VPS26B: variants seen among roughly 807,000 people sequenced by gnomAD.
VPS26B encodes the protein vacuolar protein sorting-associated protein 26B.
In VPS26B, 10 loss-of-function variants were observed where a neutral mutation model predicts 33.3. That is an observed-to-expected ratio of 0.30 (90% confidence interval 0.19 to 0.51). The LOEUF (loss-of-function observed/expected upper bound fraction) is 0.51, where lower values mean the gene tolerates loss of function less well. VPS26B is among the 20% of genes least tolerant of loss of function. VPS26B has a pLI of 0.98. For missense variants in VPS26B, 317 were observed against 452.7 expected, an observed-to-expected ratio of 0.70 and a Z score of 2.72; for synonymous variants, 190 against 176.9, an observed-to-expected ratio of 1.07 and a Z score of -0.59.
At chr11:134,229,159 A>T (rs1938522149) in intron 1 of VPS26B, among the ~76,000 whole-genome samples, 1 of 152,132 alleles carries the variant, frequency 6.6e-6, no homozygotes. Context: ...CCTCCCAAGT[A>T]GCTGAGACTA....
chr11:134,231,607 C>G (rs899126069), intron 1 of VPS26B, among the ~76,000 whole-genome samples: 1 of 151,892 alleles, frequency 6.6e-6, no homozygotes, highest in African/African-American at 2.4e-5. Flanking sequence ...CTCTGTCGCC[C>G]AGGATAGAGT....
At chr11:134,238,820 C>G (rs188741937) in intron 2 of VPS26B, among the ~76,000 whole-genome samples, 1 of 151,934 alleles carries the variant, frequency 6.6e-6, no homozygotes, top group Non-Finnish European at 1.5e-5. Flanking sequence ...TGGTCTCGAT[C>G]TCCTGACCTC....
intron 2 of VPS26B, 121 bp from the exon 3 acceptor site, chr11:134,239,870 A>G: frequency 1.9e-6 from 2 of 1,064,528 alleles, no homozygotes; most frequent in Non-Finnish European, 2.8e-6. Flanking sequence ...AAAGGATACA[A>G]AGCCCTCAAG....
chr11:134,233,505 C>T (rs1054561303), intron 1 of VPS26B, among the ~76,000 whole-genome samples: 18 of 152,220 alleles, frequency 1.2e-4, no homozygotes, highest in African/African-American at 4.3e-4. Context: ...GGTTAGATCA[C>T]GAGGTCAGGA....
chr11:134,245,046 T>C lies in VPS26B; in HGVS notation c.830T>C (p.Ile277Thr), dbSNP rs748905855. ...CGCTATTACCTCAACCTGGTGCTGATAGACGAGGAGGAGCGGCGCTACTTC... is the reference window on the plus strand; with the variant it reads ...CGCTATTACCTCAACCTGGTGCTGACAGACGAGGAGGAGCGGCGCTACTTC... ...SVRYYLNLVLIDEEERRYFKQ... is the reference protein window; with the variant it reads ...SVRYYLNLVLTDEEERRYFKQ... Residue 277 changes from isoleucine (I) to threonine (T), a missense_variant, in exon 5 of 6, where the codon ATA becomes ACA. Physicochemically the swap from Ile to Thr is moderately conservative, Grantham distance 89. Coordinates refer to ENST00000281187, the MANE Select transcript of VPS26B (RefSeq NM_052875.5). The surrounding 1 kb of genome is among the most constrained non-coding windows in gnomAD (Gnocchi z 4.7). 65 of 1,614,030 alleles carry C rather than the reference T, an allele frequency of 4.0e-5. No individual in the cohort carries two copies. Among genetic ancestry groups the C allele is most frequent in the Non-Finnish European group, 4.8e-5 (57 of 1,180,048 alleles).
Position 134,245,189 on chromosome 11 carries a change from C to A in VPS26B, c.864+109C>A. On this transcript the variant is annotated intron_variant, in intron 5 of 5. Coordinates refer to ENST00000281187, the MANE Select transcript of VPS26B (RefSeq NM_052875.5). This position sits in a 1 kb window ranked among gnomAD's most constrained non-coding sequence, Gnocchi z 4.7. ...TTGCCAAGAGGTGGGAACATTAGGTCGCCCACAATTGCACAACAAGAATGA... is the reference window on the plus strand; with the variant it reads ...TTGCCAAGAGGTGGGAACATTAGGTAGCCCACAATTGCACAACAAGAATGA... The A allele has an allele frequency of 1.4e-6, 2 of 1,452,916 alleles. No homozygotes were observed. Among genetic ancestry groups the A allele is most frequent in the South Asian group, 1.4e-5 (1 of 72,994 alleles). 90.0% of individuals were successfully genotyped at this position (1,452,916 alleles called of 1,614,324 possible).
At position 134,225,249 on chromosome 11, in the gene VPS26B, G is replaced by T; in HGVS notation, c.127G>T (p.Gly43Trp). Residue 43 changes from glycine to tryptophan, a missense_variant, in exon 1 of 6, where the codon GGG (glycine) becomes TGG (tryptophan). Physicochemically the swap from Gly to Trp is radical, Grantham distance 184 (BLOSUM62 -2). Coordinates refer to ENST00000281187, the MANE Select transcript of VPS26B (RefSeq NM_052875.5). Reference protein sequence around the residue: ...KKEKYFLFYDGETVSGKVSLA... With the variant: ...KKEKYFLFYDWETVSGKVSLA... ...GGAGAAATATTTCCTCTTCTACGAC[G>T]GGGAGACGGTCTCCGGGAAGGTGAG... 6.2e-7 allele frequency: 1 copy of T among 1,614,152 alleles called. No individual in the cohort carries two copies. Among genetic ancestry groups the T allele is most frequent in the Non-Finnish European group, 8.5e-7 (1 of 1,179,994 alleles).
intron 1 of VPS26B, among the ~76,000 whole-genome samples, chr11:134,229,439 A>G (rs1025801590): frequency 6.6e-6 from 1 of 152,130 alleles, no homozygotes; most frequent in African/African-American, 2.4e-5. Flanking sequence ...GATACCCTAC[A>G]GGTGCCTCAG....
At chr11:134,231,756 G>C (rs1565355413) in intron 1 of VPS26B, among the ~76,000 whole-genome samples, 1 of 152,284 alleles carries the variant, frequency 6.6e-6, no homozygotes, top group East Asian at 1.9e-4. Flanking sequence ...GTAGTGACAG[G>C]GTTTCACCGT....
At chr11:134,238,635 G>A (rs1938671072) in intron 2 of VPS26B, among the ~76,000 whole-genome samples, 1 of 152,200 alleles carries the variant, frequency 6.6e-6, no homozygotes, top group South Asian at 2.1e-4. Context: ...TCGCTCTGTT[G>A]CCCAGGCTGG....
At chr11:134,233,735 C>CA (rs11428242) in intron 1 of VPS26B, among the ~76,000 whole-genome samples, 99,065 of 151,674 alleles carry the variant, frequency 0.65, 33,105 homozygotes, top group Middle Eastern at 0.76. Context: ...AAAAAACAAA[C>CA]AAAAAAAGCT....
chr11:134,244,756 A>C lies in VPS26B; in HGVS notation c.722-182A>C. On this transcript the variant is annotated intron_variant, in intron 4 of 5. Coordinates refer to ENST00000281187, the MANE Select transcript of VPS26B (RefSeq NM_052875.5). The surrounding 1 kb of genome is among the most constrained non-coding windows in gnomAD (Gnocchi z 4.0). ...AAGCTGCAACATGACCTGGAGTGGA[A>C]CTGGAGAGTCACATTTTTGTTTCAG... 1 of 713,444 alleles carries C rather than the reference A, an allele frequency of 1.4e-6. No homozygotes were observed. The highest frequency in any genetic ancestry group is 2.2e-6 in the Non-Finnish European group (1 of 449,478). 44.2% of individuals were successfully genotyped at this position (713,444 alleles called of 1,614,324 possible). A position where few individuals can be genotyped will look rare whatever the true frequency, so the allele number is the denominator to read the frequency against.
chr11:134,239,677 T>G, intron 2 of VPS26B: 1 of 370,988 alleles, frequency 2.7e-6, no homozygotes, highest in South Asian at 2.6e-5. Context: ...AAGAATAACA[T>G]GTGATTGGGG....
At chr11:134,232,215 G>T (rs61909714) in intron 1 of VPS26B, among the ~76,000 whole-genome samples, 3 of 34,626 alleles carry the variant, frequency 8.7e-5, no homozygotes, top group African/African-American at 1.3e-4. Flanking sequence ...GATGACGCGT[G>T]GTTGCTTCTT....
intron 2 of VPS26B, among the ~76,000 whole-genome samples, chr11:134,237,371 G>A (rs963170995): frequency 2.6e-5 from 4 of 152,228 alleles, no homozygotes; most frequent in South Asian, 2.1e-4. Flanking sequence ...GCATGCAGCC[G>A]TGGAGATGGA....
chr11:134,230,003 A>G (rs147656140), intron 1 of VPS26B, among the ~76,000 whole-genome samples: 155 of 152,298 alleles, frequency 1.0e-3, no homozygotes, highest in African/African-American at 3.5e-3. Flanking sequence ...ATCTTTCTGC[A>G]AGATATAACC....
intron 2 of VPS26B, 38 bp from the exon 3 acceptor site, chr11:134,239,953 C>T: frequency 6.2e-7 from 1 of 1,613,424 alleles, no homozygotes; most frequent in Non-Finnish European, 8.5e-7. Context: ...CATCTGGAGA[C>T]TGGGAGTGTT....
rs145007065 is a variant in VPS26B at position 134,240,774 on chromosome 11, CGTGTGTGT to C, written c.545+630_545+637del. ...CCGCCACACCCAGCTAATTTGTGTC[CGTGTGTGT>C]GTGTGTGTGTCCGTGTGTGTGTGTG... On this transcript the variant is annotated intron_variant, in intron 3 of 5. Transcript: ENST00000281187. The surrounding 1 kb of genome is among the most constrained non-coding windows in gnomAD (Gnocchi z 4.4). Among the ~76,000 whole-genome samples, 6 of 138,014 alleles carry C rather than the reference CGTGTGTGT, an allele frequency of 4.3e-5. No individual in the cohort carries two copies. Among genetic ancestry groups the C allele is most frequent in the Admixed American group, 7.5e-5 (1 of 13,340 alleles). The allele number at this position is 138,014 out of a possible 152,430, so 90.5% of individuals were successfully genotyped here.
chr11:134,225,028 G>T lies in VPS26B; in HGVS notation c.-95G>T. ...AGCCCCGCGGCGGCCGAGCGCGCTC[G>T]CGCATCGGGCCCTCTGGCCTTCTTT... On this transcript the variant is annotated 5_prime_UTR_variant, in exon 1 of 6. Transcript: ENST00000281187. 8.3e-7 allele frequency: 1 copy of T among 1,198,584 alleles called. No individual in the cohort carries two copies. Among genetic ancestry groups the T allele is most frequent in the South Asian group, 2.2e-5 (1 of 45,516 alleles). The allele number at this position is 1,198,584 out of a possible 1,614,324, so 74.2% of individuals were successfully genotyped here.
Sources: allele counts gnomAD v4.1 joint callset (sites outside exome capture counted in the v4.1 genomes callset), GRCh38; gene constraint gnomAD v4.1.1; non-coding constraint Gnocchi (gnomAD v3.1); transcripts MANE v1.5; gene names NCBI Gene and HGNC (gene_info 2026-07-23, HGNC 2026-07-21).